The following NFIB variants were observed in gnomAD, a reference collection of about 807,000 sequenced individuals.
The protein encoded by NFIB is nuclear factor 1 B-type.
A neutral mutation model predicts 61.5 loss-of-function variants in NFIB; 11 were observed. That is an observed-to-expected ratio of 0.18 (90% CI 0.11 to 0.30). NFIB has a LOEUF of 0.30. Ranked by LOEUF, NFIB falls within the 10% of genes least tolerant of loss-of-function variation. The pLI, the probability that NFIB is intolerant of heterozygous loss-of-function variation, is 1.00. For synonymous variants in NFIB, 260 were observed against 216.5 expected, an observed-to-expected ratio of 1.20 and a Z score of -1.76; for missense variants, 471 against 608.9, an observed-to-expected ratio of 0.77 and a Z score of 2.38.
intron 6 of NFIB, among the ~76,000 whole-genome samples, chr9:14,145,124 G>A (rs553157985): frequency 3.6e-4 from 49 of 134,570 alleles, no homozygotes; most frequent in African/African-American, 7.6e-4. Flanking sequence ...ACAAAATTCC[G>A]TCTGAGGGGG....
intron 2 of NFIB, among the ~76,000 whole-genome samples, chr9:14,252,220 T>C (rs1036802742): frequency 3.3e-5 from 5 of 152,344 alleles, no homozygotes; most frequent in Non-Finnish European, 7.3e-5. Flanking sequence ...CGGGCTGATA[T>C]GGCTGGTGGA....
chr9:14,428,560 G>A, the NFIB span, among the ~76,000 whole-genome samples: 1 of 152,040 alleles, frequency 6.6e-6, no homozygotes, highest in Non-Finnish European at 1.5e-5. Context: ...AGTGAGAGAG[G>A]ATGTAGAAAA....
chr9:14,441,437 TA>T, the NFIB span, among the ~76,000 whole-genome samples: 1 of 152,228 alleles, frequency 6.6e-6, no homozygotes, highest in Non-Finnish European at 1.5e-5. Flanking sequence ...GAAGTCCCTT[TA>T]TGGTGAACGT....
the NFIB span, among the ~76,000 whole-genome samples, chr9:14,425,340 T>C: frequency 6.6e-5 from 10 of 152,010 alleles, no homozygotes; most frequent in African/African-American, 2.4e-4. Context: ...GTACACAAGG[T>C]CTGCCAGCCC....
At chr9:14,273,272 C>T (rs2057758574) in intron 2 of NFIB, among the ~76,000 whole-genome samples, 1 of 152,162 alleles carries the variant, frequency 6.6e-6, no homozygotes, top group African/African-American at 2.4e-5. Context: ...TGTAACTCTA[C>T]ATGTCAAACT....
chr9:14,513,209 T>C, the NFIB span, among the ~76,000 whole-genome samples: 2 of 152,226 alleles, frequency 1.3e-5, no homozygotes, highest in Non-Finnish European at 2.9e-5. Flanking sequence ...TTCACCTCTA[T>C]TGTTTTTCTT....
the NFIB span, among the ~76,000 whole-genome samples, chr9:14,475,452 G>T: frequency 1.3e-5 from 2 of 152,200 alleles, no homozygotes; most frequent in Non-Finnish European, 2.9e-5. Flanking sequence ...AGTTCAGGAA[G>T]TTAAAAACCT....
At chr9:14,310,827 T>A (rs1047211282) in intron 1 of NFIB, among the ~76,000 whole-genome samples, 1 of 151,972 alleles carries the variant, frequency 6.6e-6, no homozygotes. Flanking sequence ...AAATAAAGAG[T>A]CTTAATTCCA....
intron 1 of NFIB, among the ~76,000 whole-genome samples, chr9:14,366,435 A>G (rs1375848474): frequency 2.0e-5 from 3 of 152,112 alleles, no homozygotes; most frequent in Non-Finnish European, 4.4e-5. Context: ...CCTAGCGGAT[A>G]TGTGTGTCTT....
At chr9:14,302,623 T>G (rs2059807588) in intron 2 of NFIB, among the ~76,000 whole-genome samples, 1 of 152,186 alleles carries the variant, frequency 6.6e-6, no homozygotes, top group Non-Finnish European at 1.5e-5. Flanking sequence ...AACTCTAATC[T>G]GTTACATACA....
At chr9:14,166,590 T>C (rs1409259316) in intron 3 of NFIB, among the ~76,000 whole-genome samples, 16 of 152,240 alleles carry the variant, frequency 1.1e-4, no homozygotes. Flanking sequence ...TTAGTCCTTT[T>C]AATCCACATA....
At chr9:14,418,782 G>A in the NFIB span, among the ~76,000 whole-genome samples, 2 of 152,116 alleles carry the variant, frequency 1.3e-5, no homozygotes, top group Non-Finnish European at 2.9e-5. Context: ...TGTCATAAAC[G>A]CTGGGAACAC....
intron 2 of NFIB, among the ~76,000 whole-genome samples, chr9:14,275,853 T>C (rs930046599): frequency 6.6e-6 from 1 of 151,960 alleles, no homozygotes; most frequent in African/African-American, 2.4e-5. Flanking sequence ...TCAGTAACCA[T>C]AATCTATCTA....
At chr9:14,098,695 G>C (rs1425613900) in intron 10 of NFIB, among the ~76,000 whole-genome samples, 2 of 152,152 alleles carry the variant, frequency 1.3e-5, no homozygotes, top group African/African-American at 4.8e-5. Flanking sequence ...TACTAGAAGT[G>C]AGCCCTTCAC....
intron 2 of NFIB, among the ~76,000 whole-genome samples, chr9:14,298,628 C>T (rs955805601): frequency 1.7e-4 from 26 of 152,220 alleles, no homozygotes; most frequent in East Asian, 7.7e-4. Flanking sequence ...AAACAGAAGA[C>T]GTAGCTACTG....
At chr9:14,370,476 A>C (rs2061346694) in intron 1 of NFIB, among the ~76,000 whole-genome samples, 1 of 152,236 alleles carries the variant, frequency 6.6e-6, no homozygotes, top group South Asian at 2.1e-4. Flanking sequence ...AATCACGTAG[A>C]AGGTGGGATA....
At chr9:14,200,314 GTTTC>G (rs921768459) in intron 2 of NFIB, among the ~76,000 whole-genome samples, 13 of 152,126 alleles carry the variant, frequency 8.5e-5, no homozygotes, top group African/African-American at 3.1e-4. Context: ...TTCATCAGAA[GTTTC>G]TTAAAGTCTA....
intron 1 of NFIB, among the ~76,000 whole-genome samples, chr9:14,338,836 T>C (rs1479785209): frequency 1.3e-5 from 2 of 151,996 alleles, no homozygotes; most frequent in Non-Finnish European, 2.9e-5. Context: ...TCTCCTCCTT[T>C]CTCCTGCCCC....
chr9:14,455,090 T>C, the NFIB span, among the ~76,000 whole-genome samples: 1 of 152,220 alleles, frequency 6.6e-6, no homozygotes, highest in African/African-American at 2.4e-5. Flanking sequence ...AAATACCTGA[T>C]GACTGTCAGG....
Sources: gnomAD v4.1 joint callset for allele counts (sites outside exome capture counted in the v4.1 genomes callset) on GRCh38, gnomAD v4.1.1 for gene constraint, MANE v1.5 for transcripts, NCBI Gene and HGNC (gene_info 2026-07-23, HGNC 2026-07-21) for gene names.